BRD3OS: variants seen among roughly 807,000 people sequenced by gnomAD.
BRD3OS encodes BRD3 opposite strand.
rs1166440472 is a variant in BRD3OS at position 134,026,989 on chromosome 9, G to A, written c.242G>A (p.Cys81Tyr). ...AGGGACACAGGGCAGTCCAAGTTTTGCACAATTATGTAATTCCGATGTGAG... is the reference window on the plus strand; with the variant it reads ...AGGGACACAGGGCAGTCCAAGTTTTACACAATTATGTAATTCCGATGTGAG... ...VSRDTGQSKF[C>Y]TIM Residue 81 changes from cysteine to tyrosine, a missense_variant, in exon 3 of 3, where the codon TGC becomes TAC. Transcript: ENST00000603928. The surrounding 1 kb of genome is among the most constrained non-coding windows in gnomAD (Gnocchi z 4.4). The A allele has an allele frequency of 5.0e-6, 2 of 398,776 alleles. No homozygotes were observed. Among genetic ancestry groups the A allele is most frequent in the Non-Finnish European group, 8.8e-6 (2 of 226,096 alleles). The allele number at this position is 398,776 out of a possible 1,614,324, so 24.7% of individuals were successfully genotyped here.
chr9:134,028,273 C>T lies in BRD3OS; in HGVS notation c.*1271C>T, dbSNP rs370510338. On this transcript the variant is annotated 3_prime_UTR_variant, in exon 3 of 3. Coordinates refer to ENST00000603928, the MANE Select transcript of BRD3OS (RefSeq NM_001355256.2). ...CCCGGCCGGCAGCTGGGGATGCGTC[C>T]CACAGCTCCTCAGCATGCACACACG... 2.0e-5 allele frequency: 3 copies of T among 152,258 alleles called. No individual in the cohort carries two copies. The highest frequency in any genetic ancestry group is 1.9e-4 in the East Asian group (1 of 5,196). 9.4% of individuals were successfully genotyped at this position (152,258 alleles called of 1,614,324 possible).
rs750751807 is a variant in BRD3OS, at chr9:134,031,453, C to T, written c.*4451C>T. The T allele has an allele frequency of 3.9e-4, 80 of 203,460 alleles. No homozygotes were observed. Among genetic ancestry groups the T allele is most frequent in the Non-Finnish European group, 7.0e-4 (70 of 99,342 alleles). The allele number at this position is 203,460 out of a possible 1,614,324, so 12.6% of individuals were successfully genotyped here. On this transcript the variant is annotated 3_prime_UTR_variant, in exon 3 of 3. Coordinates refer to ENST00000603928, the MANE Select transcript of BRD3OS (RefSeq NM_001355256.2). ...CTGTCGTGTGTGAATTCCTTAAATT[C>T]GGTTTAAATAGTCCATTAAAGATCT...
rs1360316906 is a variant in BRD3OS at position 134,028,747 on chromosome 9, G to A, written c.*1745G>A. 6.6e-6 allele frequency: 1 copy of A among 152,280 alleles called. No individual in the cohort carries two copies. The highest frequency in any genetic ancestry group is 1.5e-5 in the Non-Finnish European group (1 of 68,072). The allele number at this position is 152,280 out of a possible 1,614,324, so 9.4% of individuals were successfully genotyped here. On this transcript the variant is annotated 3_prime_UTR_variant, in exon 3 of 3. Coordinates refer to ENST00000603928, the MANE Select transcript of BRD3OS (RefSeq NM_001355256.2). ...TCCCGTGAGCCCACAGACGGGCACA[G>A]TGACAGCATCCAGGTTGTCATCTGT...
At position 134,030,033 on chromosome 9, in the gene BRD3OS, G is replaced by C. The variant is rs997739077; in HGVS notation, c.*3031G>C. 1.3e-5 allele frequency: 2 copies of C among 152,208 alleles called. 1 individual carries two copies. Among genetic ancestry groups the C allele is most frequent in the Admixed American group, 1.3e-4 (2 of 15,278 alleles). 9.4% of individuals were successfully genotyped at this position (152,208 alleles called of 1,614,324 possible). On this transcript the variant is annotated 3_prime_UTR_variant, in exon 3 of 3. Coordinates refer to ENST00000603928, the MANE Select transcript of BRD3OS (RefSeq NM_001355256.2). Reference sequence around the variant, plus strand: ...CTGCAGCCTCAAACTCCTGGCCTCAGGCCATCCTCCTGCCTCAGCCTCCCA... The same window carrying C: ...CTGCAGCCTCAAACTCCTGGCCTCACGCCATCCTCCTGCCTCAGCCTCCCA...
rs1165221747 is a variant in BRD3OS, at chr9:134,027,965, A to T, written c.*963A>T. ...GACATGTGTTCACTGTCGCTGCCACAGCTGGCCACCTGTGTTCAGTCTCCA... is the reference window on the plus strand; with the variant it reads ...GACATGTGTTCACTGTCGCTGCCACTGCTGGCCACCTGTGTTCAGTCTCCA... On this transcript the variant is annotated 3_prime_UTR_variant, in exon 3 of 3. Transcript: ENST00000603928. 6.6e-6 allele frequency: 1 copy of T among 152,272 alleles called. No individual in the cohort carries two copies. The highest frequency in any genetic ancestry group is 2.4e-5 in the African/African-American group (1 of 41,470). The allele number at this position is 152,272 out of a possible 1,614,324, so 9.4% of individuals were successfully genotyped here.
rs1242650282 is a variant in BRD3OS, at chr9:134,028,751, C to CA, written c.*1750dup. On this transcript the variant is annotated 3_prime_UTR_variant, in exon 3 of 3. Transcript: ENST00000603928. ...GTGAGCCCACAGACGGGCACAGTGACAGCATCCAGGTTGTCATCTGTGCAA... is the reference window on the plus strand; with the variant it reads ...GTGAGCCCACAGACGGGCACAGTGACAAGCATCCAGGTTGTCATCTGTGCAA... 1 of 152,290 alleles carries CA rather than the reference C, an allele frequency of 6.6e-6. No individual in the cohort carries two copies. Among genetic ancestry groups the CA allele is most frequent in the Non-Finnish European group, 1.5e-5 (1 of 68,082 alleles). 9.4% of individuals were successfully genotyped at this position (152,290 alleles called of 1,614,324 possible).
rs1404126964 is a variant in BRD3OS at position 134,027,738 on chromosome 9, A to T, written c.*736A>T. On this transcript the variant is annotated 3_prime_UTR_variant, in exon 3 of 3. Coordinates refer to ENST00000603928, the MANE Select transcript of BRD3OS (RefSeq NM_001355256.2). The stretch of plus-strand genomic sequence containing the variant: ...ATTTATATTTTGAGTTACCAAAATG[A>T]TCATCATCTGTGAAGCATCATGGTA... 1 of 149,388 alleles carries T rather than the reference A, an allele frequency of 6.7e-6. No homozygotes were observed. Among genetic ancestry groups the T allele is most frequent in the Admixed American group, 6.6e-5 (1 of 15,164 alleles). 9.3% of individuals were successfully genotyped at this position (149,388 alleles called of 1,614,324 possible).
Position 134,026,138 on chromosome 9 carries a change from G to C in BRD3OS, c.-541+48G>C, listed in dbSNP as rs1365663990. The stretch of plus-strand genomic sequence containing the variant: ...CTGACCCCCAGAGACTTGATGCTGC[G>C]CTGCAGACTGCCGCCGCTGCCGGGG... On this transcript the variant is annotated intron_variant, in intron 2 of 2. Transcript: ENST00000603928. This position sits in a 1 kb window ranked among gnomAD's most constrained non-coding sequence, Gnocchi z 4.4. 2 of 152,674 alleles carry C rather than the reference G, an allele frequency of 1.3e-5. No individual in the cohort carries two copies. The highest frequency in any genetic ancestry group is 2.9e-5 in the Non-Finnish European group (2 of 68,474). The allele number at this position is 152,674 out of a possible 1,614,324, so 9.5% of individuals were successfully genotyped here.
At position 134,029,054 on chromosome 9, in the gene BRD3OS, C is replaced by T. The variant is rs1843471923; in HGVS notation, c.*2052C>T. The T allele has an allele frequency of 2.0e-5, 3 of 152,370 alleles. No individual in the cohort carries two copies. The South Asian group carries it at 6.2e-4, about 32-fold the overall frequency. 9.4% of individuals were successfully genotyped at this position (152,370 alleles called of 1,614,324 possible). On this transcript the variant is annotated 3_prime_UTR_variant, in exon 3 of 3. Transcript: ENST00000603928. Reference sequence around the variant, plus strand: ...GTGAGCATGGGGCTGGAGGACCTGCCCCGCCGGCTGACACTCCCACAGCAA... The same window carrying T: ...GTGAGCATGGGGCTGGAGGACCTGCTCCGCCGGCTGACACTCCCACAGCAA...
chr9:134,030,838 G>A lies in BRD3OS; in HGVS notation c.*3836G>A, dbSNP rs114877324. On this transcript the variant is annotated 3_prime_UTR_variant, in exon 3 of 3. Transcript: ENST00000603928. ...AAGCCTGCCCCCTCGGCCTCCAGGG[G>A]TCATTCAGAGTGTTCTCAAATCCAA... 959 of 232,472 alleles carry A rather than the reference G, an allele frequency of 4.1e-3. 7 individuals are homozygous for A. The highest frequency in any genetic ancestry group is 0.02 in the African/African-American group (900 of 45,410). 14.4% of individuals were successfully genotyped at this position (232,472 alleles called of 1,614,324 possible). A position where few individuals can be genotyped will look rare whatever the true frequency, so the allele number is the denominator to read the frequency against.
rs1466421251 is a variant in BRD3OS, at chr9:134,029,100, A to G, written c.*2098A>G. On this transcript the variant is annotated 3_prime_UTR_variant, in exon 3 of 3. Transcript: ENST00000603928. The stretch of plus-strand genomic sequence containing the variant: ...AGCAAGGCGGGCCCGCCAAGGAAGC[A>G]CTCCACATCCGCTAGGTAGGGTTTG... The G allele has an allele frequency of 6.6e-6, 1 of 152,042 alleles. No homozygotes were observed. The highest frequency in any genetic ancestry group is 6.5e-5 in the Admixed American group (1 of 15,268). The allele number at this position is 152,042 out of a possible 1,614,324, so 9.4% of individuals were successfully genotyped here.
chr9:134,030,740 ATG>A lies in BRD3OS; in HGVS notation c.*3742_*3743del, dbSNP rs1242215295. The A allele has an allele frequency of 8.6e-6, 2 of 232,100 alleles. No individual in the cohort carries two copies. The highest frequency in any genetic ancestry group is 8.5e-6 in the Non-Finnish European group (1 of 117,304). The allele number at this position is 232,100 out of a possible 1,614,324, so 14.4% of individuals were successfully genotyped here. A position where few individuals can be genotyped will look rare whatever the true frequency, so the allele number is the denominator to read the frequency against. Reference sequence around the variant, plus strand: ...ACAACAAAAACAAACACACAAAAAAATGTGTCTTACAGTTTGTAAGCAAGATG... The same window carrying A: ...ACAACAAAAACAAACACACAAAAAAATGTCTTACAGTTTGTAAGCAAGATG... On this transcript the variant is annotated 3_prime_UTR_variant, in exon 3 of 3. Coordinates refer to ENST00000603928, the MANE Select transcript of BRD3OS (RefSeq NM_001355256.2).
At position 134,026,702 on chromosome 9, in the gene BRD3OS, C is replaced by T. The variant is rs889762566; in HGVS notation, c.-46C>T. 4.5e-5 allele frequency: 18 copies of T among 398,428 alleles called. No individual in the cohort carries two copies. The East Asian group carries it at 6.4e-4, about 14-fold the overall frequency. The allele number at this position is 398,428 out of a possible 1,614,324, so 24.7% of individuals were successfully genotyped here. ...CGTTAATTTAGTGCGCGTGGGCCGT[C>T]TCAGAACAGCAGGGTTCCCAGGAGT... is the stretch of plus-strand genomic sequence containing the variant. On this transcript the variant is annotated 5_prime_UTR_variant, in exon 3 of 3. Transcript: ENST00000603928. This position sits in a 1 kb window ranked among gnomAD's most constrained non-coding sequence, Gnocchi z 4.4.
Position 134,027,275 on chromosome 9 carries a change from A to G in BRD3OS, c.*273A>G. 1 of 285,116 alleles carries G rather than the reference A, an allele frequency of 3.5e-6. No individual in the cohort carries two copies. The highest frequency in any genetic ancestry group is 6.5e-6 in the Non-Finnish European group (1 of 155,012). 17.7% of individuals were successfully genotyped at this position (285,116 alleles called of 1,614,324 possible). The stretch of plus-strand genomic sequence containing the variant: ...TTGAATTCTCCAGGTGCTGCTAGGG[A>G]CAGCATAGGCCCGGGCACTGCTAGA... On this transcript the variant is annotated 3_prime_UTR_variant, in exon 3 of 3. Transcript: ENST00000603928.
rs1018176251 is a variant in BRD3OS at position 134,028,535 on chromosome 9, C to A, written c.*1533C>A. 6.6e-6 allele frequency: 1 copy of A among 152,260 alleles called. No homozygotes were observed. The highest frequency in any genetic ancestry group is 1.5e-5 in the Non-Finnish European group (1 of 68,086). The allele number at this position is 152,260 out of a possible 1,614,324, so 9.4% of individuals were successfully genotyped here. A position where few individuals can be genotyped will look rare whatever the true frequency, so the allele number is the denominator to read the frequency against. ...TCCTGAGTAGCTGGAATTACAGGTG[C>A]CTGCCACCACGCCTGGCTAATTTTT... On this transcript the variant is annotated 3_prime_UTR_variant, in exon 3 of 3. Coordinates refer to ENST00000603928, the MANE Select transcript of BRD3OS (RefSeq NM_001355256.2).
At position 134,031,433 on chromosome 9, in the gene BRD3OS, G is replaced by A. The variant is rs536692325; in HGVS notation, c.*4431G>A. 11 of 206,838 alleles carry A rather than the reference G, an allele frequency of 5.3e-5. No individual in the cohort carries two copies. The highest frequency in any genetic ancestry group is 6.9e-5 in the Non-Finnish European group (7 of 101,366). The allele number at this position is 206,838 out of a possible 1,614,324, so 12.8% of individuals were successfully genotyped here. On this transcript the variant is annotated 3_prime_UTR_variant, in exon 3 of 3. Transcript: ENST00000603928. ...CCTGCGTGAAGACCTGTCAACTGTC[G>A]TGTGTGAATTCCTTAAATTCGGTTT... is the stretch of plus-strand genomic sequence containing the variant.
rs569766062 is a variant in BRD3OS at position 134,026,846 on chromosome 9, G to A, written c.99G>A (p.Gln33=). Reference sequence around the variant, plus strand: ...CCTTGCTCATCTGGCAGCAGCAACAGCAGAAGTTGGAGTCGGTGCCACCTG... The same window carrying A: ...CCTTGCTCATCTGGCAGCAGCAACAACAGAAGTTGGAGTCGGTGCCACCTG... ...DTSLLIWQQQ[Q]QKLESVPPGT... The change falls in exon 3 of 3, where the codon CAG becomes CAA. Residue 33 remains glutamine (Q), a synonymous_variant. Coordinates refer to ENST00000603928, the MANE Select transcript of BRD3OS (RefSeq NM_001355256.2). The surrounding 1 kb of genome is among the most constrained non-coding windows in gnomAD (Gnocchi z 4.4). The A allele has an allele frequency of 1.0e-5, 4 of 398,990 alleles. No homozygotes were observed. The South Asian group carries it at 3.8e-4, about 38-fold the overall frequency. The allele number at this position is 398,990 out of a possible 1,614,324, so 24.7% of individuals were successfully genotyped here. A position where few individuals can be genotyped will look rare whatever the true frequency, so the allele number is the denominator to read the frequency against.
At position 134,027,220 on chromosome 9, in the gene BRD3OS, A is replaced by G. The variant is rs1843440716; in HGVS notation, c.*218A>G. On this transcript the variant is annotated 3_prime_UTR_variant, in exon 3 of 3. Transcript: ENST00000603928. ...GGTGCACAGGACACTTCCCCTCTAG[A>G]GTCCCCTCCGTGGTCAGCTGTTGTG... The G allele has an allele frequency of 5.6e-6, 2 of 355,594 alleles. No individual in the cohort carries two copies. The highest frequency in any genetic ancestry group is 1.0e-5 in the Non-Finnish European group (2 of 199,466). 22.0% of individuals were successfully genotyped at this position (355,594 alleles called of 1,614,324 possible). A position where few individuals can be genotyped will look rare whatever the true frequency, so the allele number is the denominator to read the frequency against.
rs1843434381 is a variant in BRD3OS at position 134,026,775 on chromosome 9, A to G, written c.28A>G (p.Lys10Glu). Residue 10 changes from lysine to glutamate, a missense_variant, in exon 3 of 3, where the codon AAG becomes GAG. Physicochemically the swap from Lys to Glu is moderately conservative, Grantham distance 56. Coordinates refer to ENST00000603928, the MANE Select transcript of BRD3OS (RefSeq NM_001355256.2). This position sits in a 1 kb window ranked among gnomAD's most constrained non-coding sequence, Gnocchi z 4.4. MSGRVPLAE[K>E]ALSEGYARLR... is the part of the protein sequence containing the mutation. Reference sequence around the variant, plus strand: ...GAGTGGCCGTGTCCCCCTGGCAGAGAAGGCCTTGTCTGAAGGCTACGCCCG... The same window carrying G: ...GAGTGGCCGTGTCCCCCTGGCAGAGGAGGCCTTGTCTGAAGGCTACGCCCG... 1 of 398,854 alleles carries G rather than the reference A, an allele frequency of 2.5e-6. No homozygotes were observed. The highest frequency in any genetic ancestry group is 4.4e-6 in the Non-Finnish European group (1 of 226,096). The allele number at this position is 398,854 out of a possible 1,614,324, so 24.7% of individuals were successfully genotyped here.
Sources: allele counts gnomAD v4.1 joint callset, GRCh38; gene constraint gnomAD v4.1.1; non-coding constraint Gnocchi (gnomAD v3.1); transcripts MANE v1.5; gene names NCBI Gene and HGNC (gene_info 2026-07-23, HGNC 2026-07-21).